The following CLVS1 variants were observed in gnomAD, a reference collection of about 807,000 sequenced individuals.
CLVS1 encodes the protein clavesin 1, also known as clavesin-1.
A neutral mutation model predicts 33.1 loss-of-function variants in CLVS1; 10 were observed. The observed-to-expected ratio is 0.30, with a 90% CI of 0.19 to 0.51. The LOEUF (loss-of-function observed/expected upper bound fraction) is 0.51, where lower values mean the gene tolerates loss of function less well. Among genes scored for constraint, CLVS1 ranks in the 20% least tolerant of loss-of-function variants. The pLI, the probability that CLVS1 is intolerant of heterozygous loss-of-function variation, is 0.97. For synonymous variants in CLVS1, 163 were observed against 166.1 expected, an observed-to-expected ratio of 0.98 and a Z score of 0.14; for missense variants, 343 against 433.4, an observed-to-expected ratio of 0.79 and a Z score of 1.85.
At chr8:61,406,379 C>A (rs1342854533) in intron 3 of CLVS1, among the ~76,000 whole-genome samples, 2 of 152,180 alleles carry the variant, frequency 1.3e-5, no homozygotes, top group Non-Finnish European at 2.9e-5. Context: ...CATTACTTTA[C>A]CTCCTCTGTA....
At chr8:61,167,171 A>G (rs1585657493) in intron 2 of CLVS1, among the ~76,000 whole-genome samples, 1 of 147,620 alleles carries the variant, frequency 6.8e-6, no homozygotes, top group Non-Finnish European at 1.5e-5. Flanking sequence ...TTTACCTTCA[A>G]TCTTCCATCC....
At chr8:61,118,209 G>A (rs4592009) in intron 1 of CLVS1, among the ~76,000 whole-genome samples, 58,762 of 151,008 alleles carry the variant, frequency 0.39, 12,620 homozygotes, top group East Asian at 0.82. Flanking sequence ...CTGTGGGATC[G>A]GTGGTGATAT....
intron 5 of CLVS1, among the ~76,000 whole-genome samples, chr8:61,490,829 G>C (rs1804050161): frequency 6.6e-6 from 1 of 151,156 alleles, no homozygotes; most frequent in Non-Finnish European, 1.5e-5. Context: ...GTGGTGGCGG[G>C]TGCCTGTAAT....
intron 1 of CLVS1, among the ~76,000 whole-genome samples, chr8:61,082,335 T>C (rs1247189003): frequency 6.6e-6 from 1 of 151,856 alleles, no homozygotes; most frequent in Non-Finnish European, 1.5e-5. Flanking sequence ...GTAATGGAAA[T>C]ACTAGAAAGA....
At chr8:61,179,480 G>A (rs1355592949) in intron 2 of CLVS1, among the ~76,000 whole-genome samples, 1 of 152,106 alleles carries the variant, frequency 6.6e-6, no homozygotes, top group Non-Finnish European at 1.5e-5. Context: ...CTCAGCTCTG[G>A]ATAAAGTCGA....
intron 3 of CLVS1, among the ~76,000 whole-genome samples, chr8:61,442,501 T>C (rs1199856512): frequency 6.6e-6 from 1 of 152,196 alleles, no homozygotes; most frequent in Non-Finnish European, 1.5e-5. Context: ...TGTTTTGGTT[T>C]TTAGAAAACT....
intron 2 of CLVS1, among the ~76,000 whole-genome samples, chr8:61,164,635 C>T (rs534142526): frequency 5.7e-4 from 87 of 152,288 alleles, no homozygotes; most frequent in African/African-American, 2.0e-3. Flanking sequence ...CTGGTCAAAC[C>T]AATCCCCTGA....
At chr8:61,248,622 A>AT (rs913041301) in intron 2 of CLVS1, among the ~76,000 whole-genome samples, 1 of 148,048 alleles carries the variant, frequency 6.8e-6, no homozygotes, top group African/African-American at 2.6e-5. Context: ...TTTTGAATAC[A>AT]TTTTTTTAAT....
chr8:61,093,853 G>T (rs1253810595), intron 1 of CLVS1, among the ~76,000 whole-genome samples: 1 of 152,224 alleles, frequency 6.6e-6, no homozygotes, highest in African/African-American at 2.4e-5. Flanking sequence ...CAACTACTAT[G>T]GTGACTGGGT....
At chr8:61,162,013 T>A (rs1236533154) in intron 2 of CLVS1, among the ~76,000 whole-genome samples, 3 of 151,788 alleles carry the variant, frequency 2.0e-5, no homozygotes, top group African/African-American at 7.3e-5. Flanking sequence ...AAACGTAGTG[T>A]TGATGAAGAT....
At chr8:61,360,021 G>A (rs938497084) in intron 2 of CLVS1, among the ~76,000 whole-genome samples, 4 of 152,154 alleles carry the variant, frequency 2.6e-5, no homozygotes, top group Admixed American at 1.3e-4. Flanking sequence ...AGCCTCTGAA[G>A]CAACTTGCAA....
intron 4 of CLVS1, among the ~76,000 whole-genome samples, chr8:61,456,668 G>A (rs1487719700): frequency 1.3e-5 from 2 of 152,056 alleles, no homozygotes; most frequent in Admixed American, 6.5e-5. Flanking sequence ...TGTAATCCCA[G>A]CACTTTGGGA....
the CLVS1 span, among the ~76,000 whole-genome samples, chr8:60,965,084 T>C: frequency 6.6e-6 from 1 of 152,194 alleles, no homozygotes; most frequent in African/African-American, 2.4e-5. Context: ...AGATGCTCTG[T>C]GTAAAACAAT....
intron 5 of CLVS1, among the ~76,000 whole-genome samples, chr8:61,495,057 A>G: frequency 6.6e-6 from 1 of 152,208 alleles, no homozygotes; most frequent in Non-Finnish European, 1.5e-5. Flanking sequence ...GAGAGCCTGC[A>G]TTCTGGGTCT....
chr8:61,473,896 A>G (rs1247344019), intron 5 of CLVS1, among the ~76,000 whole-genome samples: 1 of 152,164 alleles, frequency 6.6e-6, no homozygotes, highest in Non-Finnish European at 1.5e-5. Context: ...GTTGGACATG[A>G]TTAATGAGAG....
intron 2 of CLVS1, chr8:61,202,470 C>T (rs1807754039): frequency 3.7e-6 from 3 of 817,074 alleles, no homozygotes; most frequent in Non-Finnish European, 6.5e-6. Context: ...AAAATGAGCG[C>T]CAGTTGTCTT....
intron 2 of CLVS1, among the ~76,000 whole-genome samples, chr8:61,235,056 A>G (rs1808527222): frequency 6.6e-6 from 1 of 152,210 alleles, no homozygotes. Flanking sequence ...AGACGAACCT[A>G]GTAGCCACTT....
At chr8:61,207,018 A>C (rs1172717186) in intron 2 of CLVS1, among the ~76,000 whole-genome samples, 1 of 152,214 alleles carries the variant, frequency 6.6e-6, no homozygotes, top group African/African-American at 2.4e-5. Context: ...CATCTCTATC[A>C]GTCAGGAGAC....
At chr8:61,021,752 G>A in the CLVS1 span, among the ~76,000 whole-genome samples, 24,008 of 152,006 alleles carry the variant, frequency 0.16, 2,193 homozygotes, top group East Asian at 0.3. Flanking sequence ...AGATTCAGGG[G>A]GTACATGTAT....
Sources: gnomAD v4.1 joint callset for allele counts (sites outside exome capture counted in the v4.1 genomes callset) on GRCh38, gnomAD v4.1.1 for gene constraint, MANE v1.5 for transcripts, NCBI Gene and HGNC (gene_info 2026-07-23, HGNC 2026-07-21) for gene names.